GFI1B: variants seen among roughly 807,000 people sequenced by gnomAD.
GFI1B encodes growth factor independent 1B transcriptional repressor.
GFI1B carries 20 observed loss-of-function variants against 35.3 expected under a neutral mutation model. The ratio of observed to expected loss-of-function variants is 0.57; its 90% CI spans 0.40 to 0.82. GFI1B has a LOEUF of 0.82. Among genes scored for constraint, GFI1B ranks in the 40% least tolerant of loss-of-function variants. The pLI is 0.00. For synonymous variants in GFI1B, 178 were observed against 177.6 expected (o/e 1.00, Z -0.02); for missense variants, 430 against 446.3 (o/e 0.96, Z 0.33).
chr9:132,987,662 G>A (rs911237670), intron 3 of GFI1B, among the ~76,000 whole-genome samples: 11 of 152,180 alleles, frequency 7.2e-5, no homozygotes, highest in African/African-American at 2.7e-4. Context: ...AGGGAGTGAG[G>A]TGGGCACTGT....
chr9:132,975,672 T>C (rs577498356), upstream of GFI1B, among the ~76,000 whole-genome samples: 47 of 152,354 alleles, frequency 3.1e-4, no homozygotes, highest in South Asian at 9.7e-3. Context: ...GGGCACTCGA[T>C]ACACATGTGT....
In GFI1B at chr9:132,986,794, G is replaced by A; in HGVS notation, c.100+16G>A. 1 of 1,547,042 alleles carries A rather than the reference G, an allele frequency of 6.5e-7. No individual in the cohort carries two copies. The highest frequency in any genetic ancestry group is 8.9e-7 in the Non-Finnish European group (1 of 1,125,922). ...CTTACCCCGGGTGAGTCAGAGCCCG[G>A]GCTGGCGCCTGCTGCACCCACGGGG... is the stretch of plus-strand genomic sequence containing the variant. On this transcript the variant is annotated intron_variant, in intron 2 of 6. Coordinates refer to ENST00000372122, the MANE Select transcript of GFI1B (RefSeq NM_001377304.1).
In GFI1B at chr9:132,966,648, T is replaced by C. The variant is rs113528134; in HGVS notation, c.-700-6077T>C. The stretch of plus-strand genomic sequence containing the variant: ...ATGCTGAAACCAGTAGGGGAGACTG[T>C]GGAGAACAGGATGTTTGCTTGGCGA... On this transcript the variant is annotated intron_variant, in intron 1 of 10. Transcript: ENST00000339463. Among the ~76,000 whole-genome samples, 21 of 152,320 alleles carry C rather than the reference T, an allele frequency of 1.4e-4. 1 individual carries two copies. The highest frequency in any genetic ancestry group is 5.1e-4 in the African/African-American group (21 of 41,570).
intron 6 of GFI1B, among the ~76,000 whole-genome samples, chr9:132,990,496 C>T (rs1375164165): frequency 6.6e-6 from 1 of 152,258 alleles, no homozygotes; most frequent in Non-Finnish European, 1.5e-5. Context: ...CTCATTTGCT[C>T]ATTCATTTGT....
At chr9:132,968,485 A>G (rs1273370354) in intron 1 of GFI1B, among the ~76,000 whole-genome samples, 2 of 152,060 alleles carry the variant, frequency 1.3e-5, no homozygotes, top group Admixed American at 6.5e-5. Context: ...TTAGATATGC[A>G]TAGGGGACAG....
chr9:132,947,117 C>T (rs1320820952), intron 1 of GFI1B: 1 of 152,438 alleles, frequency 6.6e-6, no homozygotes, highest in African/African-American at 2.4e-5. Context: ...TGTGACGGGG[C>T]TTCCTGACCG....
chr9:132,980,604 TCAC>T (rs1486716782), intron 1 of GFI1B, among the ~76,000 whole-genome samples: 1 of 152,220 alleles, frequency 6.6e-6, no homozygotes, highest in Non-Finnish European at 1.5e-5. Context: ...TGTGCAACCA[TCAC>T]CACCATCCAT....
At chr9:132,946,166 G>A (rs1252463564) in intron 1 of GFI1B, among the ~76,000 whole-genome samples, 1 of 152,192 alleles carries the variant, frequency 6.6e-6, no homozygotes, top group African/African-American at 2.4e-5. Flanking sequence ...GCTTAGGAGG[G>A]AGGTGAAAAT....
At position 132,986,852 on chromosome 9, in the gene GFI1B, G is replaced by A. The variant is rs73554556; in HGVS notation, c.100+74G>A. 3,333 of 880,362 alleles carry A rather than the reference G, an allele frequency of 3.8e-3. 76 individuals carry two copies. The African/African-American group carries it at 0.049, about 13-fold the overall frequency. 54.5% of individuals were successfully genotyped at this position (880,362 alleles called of 1,614,324 possible). A position where few individuals can be genotyped will look rare whatever the true frequency, so the allele number is the denominator to read the frequency against. ...TGCTCTGCGTGATGAGGGTGCAGCA[G>A]CGTCCCTCCTGCAGCAGCCTCTTCT... On this transcript the variant is annotated intron_variant, in intron 2 of 6. Coordinates refer to ENST00000372122, the MANE Select transcript of GFI1B (RefSeq NM_001377304.1).
chr9:132,961,422 C>CA (rs11393530), intron 1 of GFI1B, among the ~76,000 whole-genome samples: 67,130 of 128,386 alleles, frequency 0.52, 15,431 homozygotes, highest in African/African-American at 0.58. Flanking sequence ...AATTATTTGA[C>CA]AAAAAAAAAA....
At chr9:132,984,497 CA>C (rs1214078322) in intron 1 of GFI1B, among the ~76,000 whole-genome samples, 1 of 152,156 alleles carries the variant, frequency 6.6e-6, no homozygotes, top group African/African-American at 2.4e-5. Context: ...TCAGAGAGTA[CA>C]GGGCCTTGAG....
intron 1 of GFI1B, among the ~76,000 whole-genome samples, chr9:132,981,825 T>C (rs879521573): frequency 5.9e-5 from 9 of 152,056 alleles, no homozygotes; most frequent in Non-Finnish European, 1.3e-4. Flanking sequence ...CCATCTGGGC[T>C]CACCGCAACC....
At chr9:132,950,485 C>T (rs1848184318) in intron 1 of GFI1B, among the ~76,000 whole-genome samples, 2 of 150,896 alleles carry the variant, frequency 1.3e-5, no homozygotes, top group Admixed American at 6.6e-5. Context: ...GCCCTTGAAA[C>T]CTCTACTTCA....
chr9:132,988,196 G>A lies in GFI1B; in HGVS notation c.239-1G>A, dbSNP rs1031812001. The A allele has an allele frequency of 1.9e-6, 3 of 1,613,818 alleles. No individual in the cohort carries two copies. Among genetic ancestry groups the A allele is most frequent in the Non-Finnish European group, 2.5e-6 (3 of 1,179,764 alleles). ...CCAGGCCTGTGTCGTTATCTCCACAGAGGGCCCCATTGTGCTGTCCCGACC... is the reference window on the plus strand; with the variant it reads ...CCAGGCCTGTGTCGTTATCTCCACAAAGGGCCCCATTGTGCTGTCCCGACC... On this transcript the variant is annotated splice_acceptor_variant, in intron 3 of 6. Transcript: ENST00000372122. LOFTEE classifies it high-confidence loss of function.
intron 1 of GFI1B, among the ~76,000 whole-genome samples, chr9:132,947,916 AGT>A (rs1848146144): frequency 2.1e-5 from 2 of 93,914 alleles, no homozygotes; most frequent in African/African-American, 4.1e-5. Flanking sequence ...GTATTTGAAC[AGT>A]TTGAACACTC....
At chr9:132,979,402 G>T (rs770923306) in intron 1 of GFI1B, among the ~76,000 whole-genome samples, 26 of 152,228 alleles carry the variant, frequency 1.7e-4, no homozygotes, top group South Asian at 4.2e-4. Context: ...ACCACGCCTG[G>T]CTAATTTTTG....
Position 132,986,717 on chromosome 9 carries a change from C to T in GFI1B, c.39C>T (p.His13=). The change falls in exon 2 of 7, where the codon CAC becomes CAT. Residue 13 remains histidine, a synonymous_variant. Coordinates refer to ENST00000372122, the MANE Select transcript of GFI1B (RefSeq NM_001377304.1). ...TCCTGGTGAAGAGCAAGAAGGCTCA[C>T]ACCTACCACCAGCCCCGTGTGCAGG... ...RSFLVKSKKA[H]TYHQPRVQED... The T allele has an allele frequency of 1.2e-6, 2 of 1,612,928 alleles. No homozygotes were observed. The highest frequency in any genetic ancestry group is 1.7e-6 in the Non-Finnish European group (2 of 1,179,462).
chr9:132,973,065 G>A (rs1438118767), intron 2 of GFI1B, among the ~76,000 whole-genome samples: 1 of 152,190 alleles, frequency 6.6e-6, no homozygotes, highest in Non-Finnish European at 1.5e-5. Flanking sequence ...TAGAGCAGAC[G>A]AGCCCCAATG....
At chr9:132,971,700 A>G (rs573519917) in intron 1 of GFI1B, among the ~76,000 whole-genome samples, 53 of 152,332 alleles carry the variant, frequency 3.5e-4, no homozygotes, top group Non-Finnish European at 6.8e-4. Context: ...TTGGCCGGGC[A>G]TGGTGGCTCA....
Sources: gnomAD v4.1 joint callset for allele counts (sites outside exome capture counted in the v4.1 genomes callset) on GRCh38, gnomAD v4.1.1 for gene constraint, MANE v1.5 for transcripts, NCBI Gene and HGNC (gene_info 2026-07-23, HGNC 2026-07-21) for gene names.